The following DPYD variants were observed in gnomAD, a reference collection of about 807,000 sequenced individuals.
DPYD encodes the protein dihydropyrimidine dehydrogenase [NADP(+)].
A neutral mutation model predicts 116.2 loss-of-function variants in DPYD; 109 were observed. That is an observed-to-expected ratio of 0.94 (90% CI 0.80 to 1.10). DPYD has a LOEUF of 1.10. Ranked by LOEUF, DPYD falls within the 50% of genes least tolerant of loss-of-function variation. The probability of loss-of-function intolerance (pLI) is 0.00; values close to 1 mark genes in which losing one functional copy is unlikely to be tolerated. For missense variants in DPYD, 1,302 were observed against 1,254.5 expected (o/e 1.04, Z -0.57); for synonymous variants, 440 against 432.0 (o/e 1.02, Z -0.23).
intron 3 of DPYD, among the ~76,000 whole-genome samples, chr1:97,752,391 C>T (rs1031281134): frequency 7.2e-5 from 11 of 151,734 alleles, no homozygotes; most frequent in Non-Finnish European, 1.3e-4. Flanking sequence ...TTAGCTAAAT[C>T]TATGTTGATT....
intron 1 of DPYD, among the ~76,000 whole-genome samples, chr1:97,919,525 A>AT (rs1674390257): frequency 6.6e-6 from 1 of 152,214 alleles, no homozygotes; most frequent in South Asian, 2.1e-4. Context: ...GTCAACTCCG[A>AT]TATCTTAAAT....
intron 2 of DPYD, among the ~76,000 whole-genome samples, chr1:97,868,017 T>C (rs1035521349): frequency 6.6e-6 from 1 of 151,530 alleles, no homozygotes; most frequent in East Asian, 2.0e-4. Flanking sequence ...ACAAATTCTG[T>C]AAATTTACAA....
intron 3 of DPYD, among the ~76,000 whole-genome samples, chr1:97,800,111 G>A (rs10493894): frequency 0.82 from 124,451 of 151,824 alleles, 51,165 homozygotes; most frequent in East Asian, 0.98. Context: ...TGTAAAATTA[G>A]AGTAATAATG....
At chr1:97,311,518 G>A (rs1667518913) in intron 16 of DPYD, among the ~76,000 whole-genome samples, 1 of 151,644 alleles carries the variant, frequency 6.6e-6, no homozygotes, top group Admixed American at 6.6e-5. Flanking sequence ...GGGGGTTGGG[G>A]GAAAGTCAAT....
intron 12 of DPYD, among the ~76,000 whole-genome samples, chr1:97,526,981 A>G (rs1043508559): frequency 2.0e-5 from 3 of 152,244 alleles, no homozygotes; most frequent in African/African-American, 7.2e-5. Flanking sequence ...AGGCCCAAAG[A>G]AAGTAAACTG....
At chr1:97,247,744 C>A (rs1183131630) in intron 18 of DPYD, among the ~76,000 whole-genome samples, 2 of 152,090 alleles carry the variant, frequency 1.3e-5, no homozygotes, top group Admixed American at 6.6e-5. Flanking sequence ...ACAATAAACT[C>A]AACAGTTGAA....
intron 16 of DPYD, among the ~76,000 whole-genome samples, chr1:97,317,256 T>C (rs1156936020): frequency 1.3e-5 from 2 of 151,994 alleles, no homozygotes; most frequent in Admixed American, 6.6e-5. Flanking sequence ...ATTTGGAAGA[T>C]CTTAATATAT....
intron 1 of DPYD, among the ~76,000 whole-genome samples, chr1:97,916,253 T>TA (rs1325875325): frequency 6.6e-6 from 1 of 152,176 alleles, no homozygotes; most frequent in African/African-American, 2.4e-5. Flanking sequence ...GTTACATATA[T>TA]ATACATGTGC....
chr1:97,520,651 A>G (rs781550436), intron 12 of DPYD, among the ~76,000 whole-genome samples: 7 of 151,494 alleles, frequency 4.6e-5, no homozygotes, highest in Non-Finnish European at 8.8e-5. Flanking sequence ...ACAGGCCCCA[A>G]TGTGTGATGT....
intron 8 of DPYD, among the ~76,000 whole-genome samples, chr1:97,638,578 A>C (rs1300169233): frequency 1.3e-5 from 2 of 152,188 alleles, no homozygotes; most frequent in Non-Finnish European, 2.9e-5. Flanking sequence ...TTGCATTGCT[A>C]TAAAGGAGTA....
chr1:97,164,282 T>A (rs1341762082), intron 20 of DPYD, among the ~76,000 whole-genome samples: 1 of 152,096 alleles, frequency 6.6e-6, no homozygotes, highest in African/African-American at 2.4e-5. Context: ...CAGCTCAAAA[T>A]AATAAGATCC....
chr1:97,767,755 CTTTT>C (rs34390188), intron 3 of DPYD, among the ~76,000 whole-genome samples: 14 of 112,444 alleles, frequency 1.2e-4, no homozygotes, highest in African/African-American at 2.3e-4. Context: ...TTGGGGCTGG[CTTTT>C]TTTTTTTTTT....
At chr1:97,700,473 G>C (rs1661535901) in intron 5 of DPYD, among the ~76,000 whole-genome samples, 1 of 151,932 alleles carries the variant, frequency 6.6e-6, no homozygotes, top group Admixed American at 6.6e-5. Context: ...CTTCTGGAGG[G>C]CTACACTCTA....
Position 97,720,790 on chromosome 1 carries a change from T to C in DPYD, c.483+720A>G, listed in dbSNP as rs571460137. ...ATAAAATCTTACTATACCCTTCATA[T>C]AAGCTGATCATTTAAATGATACATG... On this transcript the variant is annotated intron_variant, in intron 5 of 22. Coordinates refer to ENST00000370192, the MANE Select transcript of DPYD (RefSeq NM_000110.4). The C allele has an allele frequency of 3.2e-6, 5 of 1,538,534 alleles. No homozygotes were observed. The African/African-American group carries it at 4.2e-5, about 13-fold the overall frequency.
intron 1 of DPYD, among the ~76,000 whole-genome samples, chr1:97,897,361 G>T (rs1438449845): frequency 6.6e-6 from 1 of 151,812 alleles, no homozygotes; most frequent in East Asian, 1.9e-4. Flanking sequence ...ATTTGATTAT[G>T]ATGTGCCTCG....
chr1:97,355,030 T>C (rs1297039914), intron 16 of DPYD, among the ~76,000 whole-genome samples: 1 of 152,206 alleles, frequency 6.6e-6, no homozygotes, highest in East Asian at 1.9e-4. Flanking sequence ...CAAAGGGAAC[T>C]GACTGAATAA....
At chr1:97,652,554 A>G (rs1280803794) in intron 8 of DPYD, among the ~76,000 whole-genome samples, 1 of 152,196 alleles carries the variant, frequency 6.6e-6, no homozygotes, top group East Asian at 1.9e-4. Flanking sequence ...AATTTTCCAG[A>G]AAAAGATCTG....
At chr1:97,236,049 AAGCTACTTTG>A (rs1332772770) in intron 18 of DPYD, among the ~76,000 whole-genome samples, 1 of 152,220 alleles carries the variant, frequency 6.6e-6, no homozygotes, top group African/African-American at 2.4e-5. Context: ...TATTGTACTA[AAGCTACTTTG>A]AATTCTCAAA....
At chr1:97,105,378 G>A (rs957632258) in intron 20 of DPYD, among the ~76,000 whole-genome samples, 3 of 152,062 alleles carry the variant, frequency 2.0e-5, no homozygotes, top group Non-Finnish European at 4.4e-5. Flanking sequence ...AACAGGGAGA[G>A]CCACTATTTA....
Sources: gnomAD v4.1 joint callset for allele counts (sites outside exome capture counted in the v4.1 genomes callset) on GRCh38, gnomAD v4.1.1 for gene constraint, MANE v1.5 for transcripts, NCBI Gene and HGNC (gene_info 2026-07-23, HGNC 2026-07-21) for gene names.